Variants in PTPRT observed in about 807,000 individuals in gnomAD.
PTPRT encodes the protein receptor-type tyrosine-protein phosphatase T.
A neutral mutation model predicts 176.8 loss-of-function variants in PTPRT; 56 were observed. That is an observed-to-expected ratio of 0.32 (90% CI 0.26 to 0.40). The LOEUF (loss-of-function observed/expected upper bound fraction) is 0.40, where lower values mean the gene tolerates loss of function less well. PTPRT is among the 10% of genes least tolerant of loss of function. PTPRT has a pLI of 1.00. For synonymous variants in PTPRT, 783 were observed against 739.0 expected (o/e 1.06, Z -0.96); for missense variants, 1,540 against 1,908.2 (o/e 0.81, Z 3.60).
chr20:43,175,020 C>A (rs1458322996), intron 1 of PTPRT, among the ~76,000 whole-genome samples: 1 of 152,234 alleles, frequency 6.6e-6, no homozygotes, highest in Non-Finnish European at 1.5e-5. Context: ...AAGTTCACAG[C>A]ATCTCTAAAC....
chr20:43,141,004 A>G (rs1242616554), intron 1 of PTPRT, among the ~76,000 whole-genome samples: 2 of 152,240 alleles, frequency 1.3e-5, no homozygotes, highest in Non-Finnish European at 2.9e-5. Context: ...TCCACATTCA[A>G]TAAGCCACAT....
intron 1 of PTPRT, among the ~76,000 whole-genome samples, chr20:42,962,833 T>A (rs1211964811): frequency 6.6e-6 from 1 of 152,112 alleles, no homozygotes; most frequent in African/African-American, 2.4e-5. Flanking sequence ...TTTGGGAGGC[T>A]AGGTGGGCGG....
At chr20:42,139,863 G>A (rs1988543241) in intron 18 of PTPRT, among the ~76,000 whole-genome samples, 1 of 152,266 alleles carries the variant, frequency 6.6e-6, no homozygotes, top group Non-Finnish European at 1.5e-5. Context: ...CCACCTCCCA[G>A]TGCCCATCAC....
In PTPRT at chr20:42,110,095, G is replaced by A. The variant is rs574380452; in HGVS notation, c.3254+238C>T. On this transcript the variant is annotated intron_variant, in intron 23 of 30. Transcript: ENST00000373187. ...AGAGTCTCGCTCTGTCACCCAGGCT[G>A]GAGTGCAGTGGCGCGATCTTGGCTC... is the stretch of plus-strand genomic sequence containing the variant. 5.3e-5 allele frequency among the ~76,000 whole-genome samples: 8 copies of A among 149,546 alleles called. No individual in the cohort carries two copies. The East Asian group carries it at 1.6e-3, about 29-fold the overall frequency.
intron 1 of PTPRT, among the ~76,000 whole-genome samples, chr20:43,097,705 G>A (rs575711883): frequency 8.8e-4 from 134 of 152,188 alleles, no homozygotes; most frequent in African/African-American, 3.1e-3. Flanking sequence ...AGAGCCTAAA[G>A]GAACACAGGA....
chr20:42,885,810 T>C lies in PTPRT; in HGVS notation c.211A>G (p.Thr71Ala). ...EKPMLDQAVP[T>A]GSFMMVNSSG... ...CCAAACATGATGGATCACATACCTG[T>C]GGGCACTGCCTGGTCCAGCATTGGT... Residue 71 changes from threonine (T) to alanine (A), a missense_variant, in exon 2 of 31, where the codon ACA becomes GCA. Coordinates refer to ENST00000373187, the MANE Select transcript of PTPRT (RefSeq NM_007050.6). 6.2e-7 allele frequency: 1 copy of C among 1,605,094 alleles called. No homozygotes were observed. Among genetic ancestry groups the C allele is most frequent in the Non-Finnish European group, 8.5e-7 (1 of 1,174,244 alleles).
At chr20:42,122,476 G>A (rs965160994) in intron 19 of PTPRT, among the ~76,000 whole-genome samples, 9 of 152,298 alleles carry the variant, frequency 5.9e-5, no homozygotes, top group African/African-American at 1.9e-4. Flanking sequence ...TCCAAGTCAA[G>A]TGGACAGGGC....
intron 7 of PTPRT, among the ~76,000 whole-genome samples, chr20:42,555,049 G>T (rs1039529406): frequency 6.6e-6 from 1 of 152,128 alleles, no homozygotes. Context: ...ACAGAGACAG[G>T]TGAATTCTTG....
At chr20:42,602,591 G>T (rs1005522035) in intron 7 of PTPRT, among the ~76,000 whole-genome samples, 3 of 152,174 alleles carry the variant, frequency 2.0e-5, no homozygotes, top group Admixed American at 6.5e-5. Context: ...CACTCTACAG[G>T]TCACATTATT....
chr20:42,090,779 A>C (rs1984533159), intron 27 of PTPRT, among the ~76,000 whole-genome samples: 1 of 152,228 alleles, frequency 6.6e-6, no homozygotes, highest in Non-Finnish European at 1.5e-5. Context: ...CTTTAAGATC[A>C]CGAGGACGTA....
At chr20:42,067,530 C>G in the PTPRT span, among the ~76,000 whole-genome samples, 1 of 152,134 alleles carries the variant, frequency 6.6e-6, no homozygotes, top group South Asian at 2.1e-4. Flanking sequence ...TGCTAGGGCT[C>G]TCAGTGGGAT....
At chr20:43,126,207 C>T (rs534830026) in intron 1 of PTPRT, among the ~76,000 whole-genome samples, 4 of 151,942 alleles carry the variant, frequency 2.6e-5, no homozygotes, top group South Asian at 2.1e-4. Context: ...AAAAAATAGC[C>T]GGGCATGATG....
intron 2 of PTPRT, among the ~76,000 whole-genome samples, chr20:42,835,635 CT>C (rs369039125): frequency 1.3e-5 from 2 of 152,060 alleles, no homozygotes; most frequent in East Asian, 1.9e-4. Context: ...TAGACAAGAA[CT>C]TTTTTTCATC....
intron 2 of PTPRT, among the ~76,000 whole-genome samples, chr20:42,866,761 G>C (rs2078753227): frequency 1.3e-5 from 2 of 152,092 alleles, no homozygotes; most frequent in South Asian, 4.2e-4. Flanking sequence ...GTATTGGTTT[G>C]AGTATTTGCC....
chr20:42,162,145 C>T (rs955570305), intron 16 of PTPRT, among the ~76,000 whole-genome samples: 1 of 152,156 alleles, frequency 6.6e-6, no homozygotes, highest in Non-Finnish European at 1.5e-5. Flanking sequence ...TAGTTATGAG[C>T]TCTGCCACAG....
intron 7 of PTPRT, among the ~76,000 whole-genome samples, chr20:42,585,153 G>A (rs940270984): frequency 2.6e-5 from 4 of 152,106 alleles, no homozygotes; most frequent in Non-Finnish European, 5.9e-5. Context: ...TGTTCCACGT[G>A]CTTATTGGCC....
chr20:42,630,425 C>G (rs984800568), intron 7 of PTPRT, among the ~76,000 whole-genome samples: 2 of 151,978 alleles, frequency 1.3e-5, no homozygotes, highest in Non-Finnish European at 2.9e-5. Flanking sequence ...ATACAACAGC[C>G]CTGACTTGGG....
At chr20:42,056,476 T>G in the PTPRT span, among the ~76,000 whole-genome samples, 1 of 152,234 alleles carries the variant, frequency 6.6e-6, no homozygotes, top group Non-Finnish European at 1.5e-5. Context: ...GCATCCTTTA[T>G]TCACTTATTC....
At chr20:43,051,137 T>C (rs1987024866) in intron 1 of PTPRT, among the ~76,000 whole-genome samples, 1 of 152,226 alleles carries the variant, frequency 6.6e-6, no homozygotes, top group Admixed American at 6.5e-5. Flanking sequence ...CATGTTTGCA[T>C]GTTCTAGCGA....
Sources: gnomAD v4.1 joint callset for allele counts (sites outside exome capture counted in the v4.1 genomes callset) on GRCh38, gnomAD v4.1.1 for gene constraint, MANE v1.5 for transcripts, NCBI Gene and HGNC (gene_info 2026-07-23, HGNC 2026-07-21) for gene names.